Variants in ANO5 observed in about 807,000 individuals in gnomAD.
ANO5 encodes the protein anoctamin 5, also known as anoctamin-5.
ANO5 carries 109 observed loss-of-function variants against 121.0 expected under a neutral mutation model. The observed-to-expected ratio is 0.90, with a 90% CI of 0.77 to 1.06. The LOEUF (loss-of-function observed/expected upper bound fraction) is 1.06. Among genes scored for constraint, ANO5 ranks in the 50% least tolerant of loss-of-function variants. The pLI, the probability that ANO5 is intolerant of heterozygous loss-of-function variation, is 0.00. For missense variants in ANO5, 1,064 were observed against 1,078.5 expected (o/e 0.99, Z 0.19); for synonymous variants, 406 against 359.9 (o/e 1.13, Z -1.45).
intron 1 of ANO5, among the ~76,000 whole-genome samples, chr11:22,202,700 A>C (rs1347510634): frequency 6.6e-6 from 1 of 152,124 alleles, no homozygotes. Flanking sequence ...CATTCATAAG[A>C]GCTCTGCACC....
chr11:22,226,308 C>T (rs965110447), intron 6 of ANO5, among the ~76,000 whole-genome samples: 21 of 152,056 alleles, frequency 1.4e-4, no homozygotes, highest in Non-Finnish European at 2.8e-4. Context: ...AAGATGTGGA[C>T]TTTTTATCAT....
At chr11:22,211,906 C>G (rs1161628628) in intron 3 of ANO5, among the ~76,000 whole-genome samples, 2 of 151,628 alleles carry the variant, frequency 1.3e-5, no homozygotes, top group Non-Finnish European at 2.9e-5. Context: ...CACTAGAGTA[C>G]TAATCTTTAG....
At chr11:22,268,043 C>T (rs188323977) in intron 17 of ANO5, among the ~76,000 whole-genome samples, 5 of 152,234 alleles carry the variant, frequency 3.3e-5, no homozygotes, top group Non-Finnish European at 2.9e-5. Flanking sequence ...CATGTCTTTG[C>T]TATTGTGAAT....
At chr11:22,271,739 T>G (rs1854619574) in intron 18 of ANO5, among the ~76,000 whole-genome samples, 1 of 152,178 alleles carries the variant, frequency 6.6e-6, no homozygotes, top group Non-Finnish European at 1.5e-5. Flanking sequence ...TTCTACACAT[T>G]TTATTGTTGT....
At chr11:22,241,704 C>T (rs1853438642) in intron 9 of ANO5, among the ~76,000 whole-genome samples, 1 of 151,868 alleles carries the variant, frequency 6.6e-6, no homozygotes, top group Non-Finnish European at 1.5e-5. Context: ...AGAAGTGTCT[C>T]TTCATGTCCT....
chr11:22,251,952 C>G (rs186029555), intron 12 of ANO5, among the ~76,000 whole-genome samples: 91 of 139,214 alleles, frequency 6.5e-4, no homozygotes, highest in Admixed American at 1.1e-3. Flanking sequence ...ATGGCATGAA[C>G]CCGGGAGGCT....
Position 22,193,279 on chromosome 11 carries a change from G to C in ANO5, c.-214G>C. 1 of 1,150,264 alleles carries C rather than the reference G, an allele frequency of 8.7e-7. No homozygotes were observed. The highest frequency in any genetic ancestry group is 1.1e-6 in the Non-Finnish European group (1 of 925,454). 71.3% of individuals were successfully genotyped at this position (1,150,264 alleles called of 1,614,324 possible). ...TCGAGTGGAAGTACCCGCCGGAGAGGAAGGCCGGCTGGCTGTGGCGCCCAG... is the reference window on the plus strand; with the variant it reads ...TCGAGTGGAAGTACCCGCCGGAGAGCAAGGCCGGCTGGCTGTGGCGCCCAG... On this transcript the variant is annotated 5_prime_UTR_variant, in exon 1 of 22. Transcript: ENST00000324559.
intron 12 of ANO5, among the ~76,000 whole-genome samples, chr11:22,251,808 CG>C (rs768016343): frequency 2.0e-5 from 3 of 151,522 alleles, no homozygotes; most frequent in Non-Finnish European, 4.4e-5. Context: ...GGGCAGATCA[CG>C]AGGTCAGGAG....
rs1309461383 is a variant in ANO5 at position 22,250,721 on chromosome 11, C to T, written c.1014-20C>T. 1.2e-6 allele frequency: 2 copies of T among 1,608,720 alleles called. No homozygotes were observed. Among genetic ancestry groups the T allele is most frequent in the Non-Finnish European group, 1.7e-6 (2 of 1,175,190 alleles). On this transcript the variant is annotated intron_variant, in intron 10 of 21. Transcript: ENST00000324559. ...CTAAACACCTATCACTGTTCAATAA[C>T]TTTGCTGTTCCTCTTGCAGCACTGA... is the stretch of plus-strand genomic sequence containing the variant.
rs894636219 is a variant in ANO5 at position 22,271,936 on chromosome 11, A to G, written c.2030-848A>G. Among the ~76,000 whole-genome samples, 5 of 152,278 alleles carry G rather than the reference A, an allele frequency of 3.3e-5. No individual in the cohort carries two copies. In the South Asian group the frequency reaches 1.0e-3, roughly 32 times the overall value. On this transcript the variant is annotated intron_variant, in intron 18 of 21. Coordinates refer to ENST00000324559, the MANE Select transcript of ANO5 (RefSeq NM_213599.3). The stretch of plus-strand genomic sequence containing the variant: ...GGTGAATATGTATTTTTTTCACTTG[A>G]TAAGACGGATTCAGTCAGATGAGAG...
rs144694772 is a variant in ANO5, at chr11:22,282,623, T to G, written c.*2858T>G. Reference sequence around the variant, plus strand: ...CGAGGAAGTTTGGTCCAGCTGTGGTTGATAAGAGGTATATCTCTTAAAAAA... The same window carrying G: ...CGAGGAAGTTTGGTCCAGCTGTGGTGGATAAGAGGTATATCTCTTAAAAAA... On this transcript the variant is annotated 3_prime_UTR_variant, in exon 22 of 22. Coordinates refer to ENST00000324559, the MANE Select transcript of ANO5 (RefSeq NM_213599.3). 4 of 152,268 alleles carry G rather than the reference T, an allele frequency of 2.6e-5. No individual in the cohort carries two copies. The East Asian group carries it at 7.7e-4, about 29-fold the overall frequency. 9.4% of individuals were successfully genotyped at this position (152,268 alleles called of 1,614,324 possible).
chr11:22,195,414 A>AC (rs1208011782), intron 1 of ANO5, among the ~76,000 whole-genome samples: 2 of 151,048 alleles, frequency 1.3e-5, no homozygotes, highest in Non-Finnish European at 3.0e-5. Flanking sequence ...GTTGAAGCAT[A>AC]CCCCCCTTAT....
intron 2 of ANO5, among the ~76,000 whole-genome samples, chr11:22,205,182 G>A (rs1326530927): frequency 6.6e-6 from 1 of 151,968 alleles, no homozygotes; most frequent in South Asian, 2.1e-4. Context: ...AACATCACAC[G>A]CTGGGGCCTT....
chr11:22,234,414 C>T (rs1412019900), intron 7 of ANO5, among the ~76,000 whole-genome samples: 2 of 152,112 alleles, frequency 1.3e-5, no homozygotes, highest in East Asian at 3.9e-4. Flanking sequence ...GTTCACCATT[C>T]TTCCCCACAA....
Position 22,282,829 on chromosome 11 carries a change from A to T in ANO5, c.*3064A>T, listed in dbSNP as rs1855128459. ...ATCTGTACCAATCATTCAAAAAGGG[A>T]ATCTATTGTTTTGAAAGAAACTCTC... On this transcript the variant is annotated 3_prime_UTR_variant, in exon 22 of 22. Transcript: ENST00000324559. The T allele has an allele frequency of 6.6e-6, 1 of 152,128 alleles. No individual in the cohort carries two copies. The highest frequency in any genetic ancestry group is 1.5e-5 in the Non-Finnish European group (1 of 68,002). 9.4% of individuals were successfully genotyped at this position (152,128 alleles called of 1,614,324 possible).
rs546264876 is a variant in ANO5, at chr11:22,247,999, T to C, written c.879-2238T>C. ...ATATGTGTGGTACAGATAATGTTAT[T>C]ACAATGTGAGGATAATACTGAAGCT... On this transcript the variant is annotated intron_variant, in intron 9 of 21. Coordinates refer to ENST00000324559, the MANE Select transcript of ANO5 (RefSeq NM_213599.3). Among the ~76,000 whole-genome samples, 6 of 152,270 alleles carry C rather than the reference T, an allele frequency of 3.9e-5. No individual in the cohort carries two copies. The South Asian group carries it at 1.2e-3, about 32-fold the overall frequency.
chr11:22,231,998 G>A (rs1853057784), intron 7 of ANO5, among the ~76,000 whole-genome samples: 1 of 151,928 alleles, frequency 6.6e-6, no homozygotes, highest in Non-Finnish European at 1.5e-5. Flanking sequence ...AATATTCTTA[G>A]CCATCCAGAA....
At chr11:22,202,156 G>T (rs1851984048) in intron 1 of ANO5, among the ~76,000 whole-genome samples, 1 of 150,272 alleles carries the variant, frequency 6.7e-6, no homozygotes, top group Admixed American at 6.6e-5. Flanking sequence ...CCATAAATCT[G>T]CTTTTTAAAA....
chr11:22,274,888 C>G, intron 20 of ANO5, 141 bp downstream of exon 20: 1 of 1,138,076 alleles, frequency 8.8e-7, no homozygotes, highest in Non-Finnish European at 1.3e-6. Context: ...TGTATCCATT[C>G]TAGAATTCAC....
Sources: allele counts gnomAD v4.1 joint callset (sites outside exome capture counted in the v4.1 genomes callset), GRCh38; gene constraint gnomAD v4.1.1; transcripts MANE v1.5; gene names NCBI Gene and HGNC (gene_info 2026-07-23, HGNC 2026-07-21).